The following DACH1 variants were observed in gnomAD, a reference collection of about 807,000 sequenced individuals.
DACH1 encodes the protein dachshund homolog 1.
Under a neutral mutation model 54.2 loss-of-function variants are expected in DACH1, and 12 were observed. The ratio of observed to expected loss-of-function variants is 0.22; its 90% CI spans 0.14 to 0.36. The LOEUF (loss-of-function observed/expected upper bound fraction) is 0.36. Ranked by LOEUF, DACH1 falls within the 10% of genes least tolerant of loss-of-function variation. DACH1 has a pLI of 1.00. For missense variants in DACH1, 805 were observed against 929.8 expected, an observed-to-expected ratio of 0.87 and a Z score of 1.75; for synonymous variants, 386 against 366.2, an observed-to-expected ratio of 1.05 and a Z score of -0.62.
At chr13:71,524,732 A>G (rs1439929331) in intron 6 of DACH1, among the ~76,000 whole-genome samples, 1 of 152,126 alleles carries the variant, frequency 6.6e-6, no homozygotes, top group Non-Finnish European at 1.5e-5. Flanking sequence ...CATATTTGCA[A>G]GTCCATCTCC....
intron 1 of DACH1, among the ~76,000 whole-genome samples, chr13:71,721,355 C>T (rs899151126): frequency 6.6e-5 from 10 of 152,012 alleles, no homozygotes; most frequent in African/African-American, 1.7e-4. Flanking sequence ...TGTGATCCAA[C>T]AATACAATTA....
intron 6 of DACH1, among the ~76,000 whole-genome samples, chr13:71,505,972 A>G (rs1033172705): frequency 6.6e-6 from 1 of 152,130 alleles, no homozygotes; most frequent in Non-Finnish European, 1.5e-5. Flanking sequence ...AGCAAACAAA[A>G]CATGCAGATT....
intron 6 of DACH1, among the ~76,000 whole-genome samples, chr13:71,529,193 T>TG (rs1882234521): frequency 2.1e-5 from 3 of 146,304 alleles, no homozygotes; most frequent in African/African-American, 7.9e-5. Flanking sequence ...GTTTTTTTTT[T>TG]TTTTTTTTTT....
At position 71,440,150 on chromosome 13, in the gene DACH1, T is replaced by G. The variant is rs921227187; in HGVS notation, c.*505A>C. The stretch of plus-strand genomic sequence containing the variant: ...GAAATTGAATGTAACAGAAAATCAC[T>G]CTTGCATTTTTTTTTTTCAAGAATC... On this transcript the variant is annotated 3_prime_UTR_variant, in exon 11 of 11. Transcript: ENST00000613252. The G allele has an allele frequency of 2.6e-5, 4 of 151,608 alleles. No individual in the cohort carries two copies. Among genetic ancestry groups the G allele is most frequent in the Admixed American group, 1.3e-4 (2 of 15,186 alleles). 9.4% of individuals were successfully genotyped at this position (151,608 alleles called of 1,614,324 possible).
intron 4 of DACH1, among the ~76,000 whole-genome samples, chr13:71,568,049 T>C (rs1356104633): frequency 1.3e-5 from 2 of 151,956 alleles, no homozygotes; most frequent in Non-Finnish European, 2.9e-5. Context: ...ACTCAGTCGT[T>C]TAACGTAATA....
chr13:71,507,581 A>G (rs1415304583), intron 6 of DACH1, among the ~76,000 whole-genome samples: 2 of 152,184 alleles, frequency 1.3e-5, no homozygotes, highest in Non-Finnish European at 2.9e-5. Flanking sequence ...ATATTTATGG[A>G]TGAATGCCAA....
intron 6 of DACH1, among the ~76,000 whole-genome samples, chr13:71,536,922 CTTAA>C (rs1321097015): frequency 6.6e-6 from 1 of 152,094 alleles, no homozygotes; most frequent in African/African-American, 2.4e-5. Context: ...TTAATAGCCT[CTTAA>C]TTAGTTTATT....
At chr13:71,662,154 GCAGCCACA>G (rs1879541972) in intron 2 of DACH1, among the ~76,000 whole-genome samples, 1 of 152,018 alleles carries the variant, frequency 6.6e-6, no homozygotes, top group Admixed American at 6.6e-5. Flanking sequence ...GAGTTTGTCA[GCAGCCACA>G]CAGCATCAAA....
chr13:71,757,815 G>A (rs1885233202), intron 1 of DACH1, among the ~76,000 whole-genome samples: 1 of 152,038 alleles, frequency 6.6e-6, no homozygotes, highest in Admixed American at 6.6e-5. Context: ...GAGCCACCAC[G>A]CCTGGCCTTA....
intron 10 of DACH1, among the ~76,000 whole-genome samples, chr13:71,440,934 A>T (rs1247850744): frequency 1.3e-5 from 2 of 152,030 alleles, no homozygotes; most frequent in African/African-American, 2.4e-5. Flanking sequence ...TTTTGATATC[A>T]GTTCCAGAGC....
intron 2 of DACH1, among the ~76,000 whole-genome samples, chr13:71,636,955 T>G (rs1222053754): frequency 6.6e-6 from 1 of 152,164 alleles, no homozygotes; most frequent in Admixed American, 6.5e-5. Flanking sequence ...TGTTAAAAAT[T>G]TTTACCTTTG....
At chr13:71,701,787 T>A (rs1882148200) in intron 1 of DACH1, among the ~76,000 whole-genome samples, 2 of 152,144 alleles carry the variant, frequency 1.3e-5, no homozygotes, top group East Asian at 1.9e-4. Context: ...AATAAAAAAA[T>A]TCAGATTTCA....
At chr13:71,556,580 T>C (rs1884264301) in intron 6 of DACH1, among the ~76,000 whole-genome samples, 1 of 152,164 alleles carries the variant, frequency 6.6e-6, no homozygotes. Flanking sequence ...AAACAACTAG[T>C]AGTACATTGA....
At chr13:71,614,319 C>CAATA (rs1176112219) in intron 3 of DACH1, among the ~76,000 whole-genome samples, 1 of 151,994 alleles carries the variant, frequency 6.6e-6, no homozygotes, top group African/African-American at 2.4e-5. Flanking sequence ...CACATTAATC[C>CAATA]AATAAATATT....
intron 1 of DACH1, among the ~76,000 whole-genome samples, chr13:71,865,396 C>T (rs565809035): frequency 3.4e-4 from 52 of 152,252 alleles, no homozygotes; most frequent in African/African-American, 1.2e-3. Flanking sequence ...TCACCCGGAG[C>T]GCGTCTCCCC....
chr13:71,608,513 A>G (rs1226563506), intron 3 of DACH1, among the ~76,000 whole-genome samples: 1 of 152,082 alleles, frequency 6.6e-6, no homozygotes, highest in Non-Finnish European at 1.5e-5. Flanking sequence ...AGTATTTATT[A>G]CCATATGGCT....
At chr13:71,661,352 A>C (rs1054263723) in intron 2 of DACH1, among the ~76,000 whole-genome samples, 5 of 151,740 alleles carry the variant, frequency 3.3e-5, no homozygotes, top group African/African-American at 1.2e-4. Flanking sequence ...AATCTGTCAA[A>C]GGACAAATTA....
At chr13:71,447,705 C>T (rs369613866) in intron 10 of DACH1, among the ~76,000 whole-genome samples, 10 of 151,628 alleles carry the variant, frequency 6.6e-5, no homozygotes, top group Non-Finnish European at 1.0e-4. Context: ...TGGTGGCACA[C>T]GCCTGTAGTC....
chr13:71,508,011 C>T (rs567602610), intron 6 of DACH1, among the ~76,000 whole-genome samples: 30 of 152,168 alleles, frequency 2.0e-4, no homozygotes, highest in African/African-American at 6.5e-4. Context: ...TAAAAGAATG[C>T]TTTTCTGATG....
Sources: allele counts gnomAD v4.1 joint callset (sites outside exome capture counted in the v4.1 genomes callset), GRCh38; gene constraint gnomAD v4.1.1; transcripts MANE v1.5; gene names NCBI Gene and HGNC (gene_info 2026-07-23, HGNC 2026-07-21).